HDAC4: variants seen among roughly 807,000 people sequenced by gnomAD.
HDAC4 encodes the protein histone deacetylase A.
In HDAC4, 16 loss-of-function variants were observed where a neutral mutation model predicts 135.1. That is an observed-to-expected ratio of 0.12 (90% CI 0.08 to 0.18). The LOEUF (loss-of-function observed/expected upper bound fraction) is 0.18, where lower values mean the gene tolerates loss of function less well. HDAC4 is among the 10% of genes least tolerant of loss of function. HDAC4 has a pLI of 1.00. For missense variants in HDAC4, 1,143 were observed against 1,511.8 expected, an observed-to-expected ratio of 0.76 and a Z score of 4.05; for synonymous variants, 685 against 653.4, an observed-to-expected ratio of 1.05 and a Z score of -0.74.
Position 239,298,385 on chromosome 2 carries a change from A to G in HDAC4, c.22+54293T>C, listed in dbSNP as rs2052040678. ...CACAGTAGGGATCCGGAATCGCCAG[A>G]GCTCTTGCACCTCAGAGGGAAACAG... On this transcript the variant is annotated intron_variant, in intron 2 of 26. Coordinates refer to ENST00000543185, the MANE Select transcript of HDAC4 (RefSeq NM_001378414.1). The G allele has an allele frequency of 2.5e-6, 3 of 1,184,040 alleles. No homozygotes were observed. In the Admixed American group the frequency reaches 1.1e-4, roughly 43 times the overall value. 73.3% of individuals were successfully genotyped at this position (1,184,040 alleles called of 1,614,324 possible). A position where few individuals can be genotyped will look rare whatever the true frequency, so the allele number is the denominator to read the frequency against.
At chr2:239,276,276 C>G (rs757649785) in intron 2 of HDAC4, among the ~76,000 whole-genome samples, 9 of 152,322 alleles carry the variant, frequency 5.9e-5, no homozygotes, top group Middle Eastern at 3.4e-3. Context: ...GCAAGTATGC[C>G]TTGGAAGTGT....
intron 2 of HDAC4, among the ~76,000 whole-genome samples, chr2:239,304,792 C>T (rs188123172): frequency 1.2e-4 from 19 of 152,222 alleles, no homozygotes; most frequent in Non-Finnish European, 2.2e-4. Flanking sequence ...GCTATGGACG[C>T]TGACTGTCCA....
At chr2:239,108,497 G>A (rs1410035960) in intron 14 of HDAC4, among the ~76,000 whole-genome samples, 1 of 152,168 alleles carries the variant, frequency 6.6e-6, no homozygotes, top group South Asian at 2.1e-4. Flanking sequence ...ACAGTGATGA[G>A]GAGGTCTGCC....
Position 239,299,011 on chromosome 2 carries a change from G to A in HDAC4, c.22+53667C>T, listed in dbSNP as rs1340944248. ...AGCCTCCCGAGTAGCTGGGACTACA[G>A]GTGCCCGCCACCACGCCCAGCTAAT... On this transcript the variant is annotated intron_variant, in intron 2 of 26. Coordinates refer to ENST00000543185, the MANE Select transcript of HDAC4 (RefSeq NM_001378414.1). This position sits in a 1 kb window ranked among gnomAD's most constrained non-coding sequence, Gnocchi z 4.0. 6.6e-5 allele frequency among the ~76,000 whole-genome samples: 10 copies of A among 151,790 alleles called. No individual in the cohort carries two copies.
In HDAC4 at chr2:239,332,070, G is replaced by A. The variant is rs1428386368; in HGVS notation, c.22+20608C>T. Among the ~76,000 whole-genome samples, 14 of 152,288 alleles carry A rather than the reference G, an allele frequency of 9.2e-5. No individual in the cohort carries two copies. In the East Asian group the frequency reaches 2.7e-3, roughly 29 times the overall value. ...ATTTTATGCATAAAATTCTAAATCT[G>A]CCTAGGCTTAAAATAGCTTCAAAAT... is the stretch of plus-strand genomic sequence containing the variant. On this transcript the variant is annotated intron_variant, in intron 2 of 26. Transcript: ENST00000543185.
intron 12 of HDAC4, among the ~76,000 whole-genome samples, chr2:239,119,013 C>T (rs1208693633): frequency 6.6e-6 from 1 of 152,164 alleles, no homozygotes; most frequent in African/African-American, 2.4e-5. Flanking sequence ...GCAGCAGGGG[C>T]GCCGGGTGAA....
intron 2 of HDAC4, among the ~76,000 whole-genome samples, chr2:239,263,214 C>T (rs1018795058): frequency 1.3e-5 from 2 of 152,124 alleles, no homozygotes; most frequent in African/African-American, 2.4e-5. Context: ...TCCAAGGGCA[C>T]GGGGCCACTG....
chr2:239,389,084 T>C (rs1278522374), intron 1 of HDAC4, among the ~76,000 whole-genome samples: 6 of 152,074 alleles, frequency 3.9e-5, no homozygotes, highest in Admixed American at 2.0e-4. Context: ...AGCTAGAGGA[T>C]TGTAAATGCA....
chr2:239,171,169 C>CAAAAAAAAAAAAAAAAAAAAAA (rs34204026), intron 5 of HDAC4, among the ~76,000 whole-genome samples: 1 of 114,386 alleles, frequency 8.7e-6, no homozygotes, highest in Non-Finnish European at 1.8e-5. Context: ...ACAATCTGAC[C>CAAAAAAAAAAAAAAAAAAAAAA]AAAAAAAAAA....
In HDAC4 at chr2:239,373,459, TTTG is replaced by T. The variant is rs1356799931; in HGVS notation, c.-219-20544_-219-20542del. Among the ~76,000 whole-genome samples, 12 of 144,918 alleles carry T rather than the reference TTTG, an allele frequency of 8.3e-5. No individual in the cohort carries two copies. In the East Asian group the frequency reaches 1.2e-3, roughly 14 times the overall value. ...GAAGAGACCTCTCCATAGTAAACTTTTTGTTGTTGTTGTTGTTTGTTTGTTTTG... is the reference window on the plus strand; with the variant it reads ...GAAGAGACCTCTCCATAGTAAACTTTTTGTTGTTGTTGTTTGTTTGTTTTG... On this transcript the variant is annotated intron_variant, in intron 1 of 26. Transcript: ENST00000543185.
intron 20 of HDAC4, among the ~76,000 whole-genome samples, chr2:239,083,568 G>A (rs2035565556): frequency 6.6e-6 from 1 of 152,152 alleles, no homozygotes; most frequent in Non-Finnish European, 1.5e-5. Context: ...GTATATATCT[G>A]GCTTTAAAAA....
At chr2:239,249,240 C>T (rs1432455516) in intron 2 of HDAC4, among the ~76,000 whole-genome samples, 13 of 152,202 alleles carry the variant, frequency 8.5e-5, no homozygotes, top group African/African-American at 2.4e-4. Context: ...AGAGGAGACA[C>T]GGCTGCAGGT....
At chr2:239,222,494 T>G (rs1004304085) in intron 3 of HDAC4, among the ~76,000 whole-genome samples, 6 of 149,268 alleles carry the variant, frequency 4.0e-5, no homozygotes, top group Admixed American at 6.7e-5. Flanking sequence ...ACAAATGTAC[T>G]TCCTGGAAAC....
At chr2:239,351,887 G>C (rs1050230863) in intron 2 of HDAC4, 1 of 153,192 alleles carries the variant, frequency 6.5e-6, no homozygotes, top group African/African-American at 2.4e-5. Context: ...TGAAGGCCAC[G>C]GTGCGCTGGA....
At chr2:239,107,783 T>C (rs1394148632) in intron 15 of HDAC4, among the ~76,000 whole-genome samples, 1 of 151,550 alleles carries the variant, frequency 6.6e-6, no homozygotes, top group African/African-American at 2.4e-5. Flanking sequence ...AGGTGGGAGG[T>C]GGGAGCGAAA....
At chr2:239,278,197 AAAAC>A (rs1337644634) in intron 2 of HDAC4, among the ~76,000 whole-genome samples, 1 of 152,144 alleles carries the variant, frequency 6.6e-6, no homozygotes, top group African/African-American at 2.4e-5. Context: ...GAAAAAAAAA[AAAAC>A]AGACTGGTAA....
At chr2:239,189,795 G>C in intron 4 of HDAC4, 38 bp downstream of exon 4, 1 of 1,583,016 alleles carries the variant, frequency 6.3e-7, no homozygotes, top group Non-Finnish European at 8.6e-7. Context: ...GAGGGTGCCG[G>C]AGGCCTGGCC....
At chr2:239,324,869 G>C (rs1170996250) in intron 2 of HDAC4, among the ~76,000 whole-genome samples, 1 of 152,012 alleles carries the variant, frequency 6.6e-6, no homozygotes, top group Non-Finnish European at 1.5e-5. Flanking sequence ...CTTAGGAAGA[G>C]CAGAGTCTAC....
chr2:239,265,533 G>T (rs1363930917), intron 2 of HDAC4, among the ~76,000 whole-genome samples: 1 of 152,184 alleles, frequency 6.6e-6, no homozygotes, highest in Admixed American at 6.5e-5. Context: ...GAGCCCTCCT[G>T]GGGGGAGGTG....
Sources: allele counts gnomAD v4.1 joint callset (sites outside exome capture counted in the v4.1 genomes callset), GRCh38; gene constraint gnomAD v4.1.1; non-coding constraint Gnocchi (gnomAD v3.1); transcripts MANE v1.5; gene names NCBI Gene and HGNC (gene_info 2026-07-23, HGNC 2026-07-21).